The following ARFGEF3 variants were observed in gnomAD, a reference collection of about 807,000 sequenced individuals.
ARFGEF3 encodes the protein brefeldin A-inhibited guanine nucleotide-exchange protein 3.
ARFGEF3 carries 96 observed loss-of-function variants against 221.7 expected under a neutral mutation model. The observed-to-expected ratio is 0.43, with a 90% CI of 0.37 to 0.51. The LOEUF is 0.51. Ranked by LOEUF, ARFGEF3 falls within the 20% of genes least tolerant of loss-of-function variation. The pLI is 0.00. For missense variants in ARFGEF3, 2,410 were observed against 2,789.9 expected (o/e 0.86, Z 3.07); for synonymous variants, 1,145 against 1,126.8 (o/e 1.02, Z -0.32).
Position 138,299,188 on chromosome 6 carries a change from C to T in ARFGEF3, c.3828+403C>T, listed in dbSNP as rs552879247. Among the ~76,000 whole-genome samples, 15 of 106,948 alleles carry T rather than the reference C, an allele frequency of 1.4e-4. No individual in the cohort carries two copies. In the South Asian group the frequency reaches 2.4e-3, roughly 17 times the overall value. The allele number at this position is 106,948 out of a possible 152,430, so 70.2% of individuals were successfully genotyped here. A position where few individuals can be genotyped will look rare whatever the true frequency, so the allele number is the denominator to read the frequency against. On this transcript the variant is annotated intron_variant, in intron 22 of 33. Coordinates refer to ENST00000251691, the MANE Select transcript of ARFGEF3 (RefSeq NM_020340.5). ...CTGCACTCCAGCCTGAGTGACAGAGCGAGACTCTGTAAAAAAAAAAAAAAA... is the reference window on the plus strand; with the variant it reads ...CTGCACTCCAGCCTGAGTGACAGAGTGAGACTCTGTAAAAAAAAAAAAAAA...
rs114153440 is a variant in ARFGEF3, at chr6:138,209,795, T to C, written c.220-115T>C. 3,381 of 1,330,876 alleles carry C rather than the reference T, an allele frequency of 2.5e-3. 55 individuals carry two copies. The African/African-American group carries it at 0.041, about 16-fold the overall frequency. The allele number at this position is 1,330,876 out of a possible 1,614,324, so 82.4% of individuals were successfully genotyped here. ...TAGCGTAAGTTCTTTCTTAATGGCC[T>C]CCAGCTACACGCCTCCCCAGTAAGA... On this transcript the variant is annotated intron_variant, in intron 3 of 33. Coordinates refer to ENST00000251691, the MANE Select transcript of ARFGEF3 (RefSeq NM_020340.5).
Position 138,261,659 on chromosome 6 carries a change from A to C in ARFGEF3, c.1217+20A>C. ...CAAACTGTATGATGTTTATCCTTTT[A>C]AGTCTTTATTGAGGCTGCTTTTCTG... On this transcript the variant is annotated intron_variant, in intron 11 of 33. Transcript: ENST00000251691. 1 of 1,428,454 alleles carries C rather than the reference A, an allele frequency of 7.0e-7. No individual in the cohort carries two copies. Among genetic ancestry groups the C allele is most frequent in the Non-Finnish European group, 9.5e-7 (1 of 1,056,776 alleles). 88.5% of individuals were successfully genotyped at this position (1,428,454 alleles called of 1,614,324 possible).
At chr6:138,330,774 T>C (rs1446113771) in intron 32 of ARFGEF3, among the ~76,000 whole-genome samples, 4 of 152,192 alleles carry the variant, frequency 2.6e-5, no homozygotes, top group African/African-American at 9.7e-5. Context: ...TTGGGGTCAA[T>C]TATTGGTACA....
rs1432732952 is a variant in ARFGEF3, at chr6:138,334,888, C to T, written c.6042C>T (p.Tyr2014=). ...GGGAGAATGCGGGGAACAAAATCTA[C>T]ACCATGGCAGCCGACAAGACCATTT... The part of the protein sequence containing the change: ...EWWENAGNKI[Y]TMAADKTISK... Residue 2014 remains tyrosine, a synonymous_variant, in exon 33 of 34, where the codon TAC becomes TAT. Transcript: ENST00000251691. The surrounding 1 kb of genome is among the most constrained non-coding windows in gnomAD (Gnocchi z 5.1). 6 of 1,592,150 alleles carry T rather than the reference C, an allele frequency of 3.8e-6. No homozygotes were observed. The South Asian group carries it at 5.7e-5, about 15-fold the overall frequency.
chr6:138,273,083 CAT>C (rs1779033009), intron 12 of ARFGEF3, among the ~76,000 whole-genome samples: 1 of 152,140 alleles, frequency 6.6e-6, no homozygotes, highest in South Asian at 2.1e-4. Context: ...ACATCTAACA[CAT>C]ATTTTTAGAA....
At chr6:138,326,939 A>G (rs541080789) in intron 31 of ARFGEF3, among the ~76,000 whole-genome samples, 1 of 152,352 alleles carries the variant, frequency 6.6e-6, no homozygotes, top group South Asian at 2.1e-4. Context: ...GAATGAGATC[A>G]TGTCCTTTGC....
At chr6:138,305,625 A>AG (rs1394234192) in intron 22 of ARFGEF3, among the ~76,000 whole-genome samples, 2 of 151,932 alleles carry the variant, frequency 1.3e-5, no homozygotes, top group East Asian at 3.9e-4. Context: ...AAAAAAAAAA[A>AG]AAAAAGCCAA....
At chr6:138,280,299 G>C in intron 14 of ARFGEF3, 135 bp downstream of exon 14, 1 of 809,454 alleles carries the variant, frequency 1.2e-6, no homozygotes, top group Non-Finnish European at 2.0e-6. Context: ...TGGCAATGGT[G>C]ACAGTTCCAG....
chr6:138,202,681 C>CA (rs11312359), intron 2 of ARFGEF3, among the ~76,000 whole-genome samples: 1,776 of 116,894 alleles, frequency 0.015, 24 homozygotes, highest in African/African-American at 0.033. Context: ...TATTTACTAG[C>CA]AAAAAAAAAA....
intron 4 of ARFGEF3, among the ~76,000 whole-genome samples, chr6:138,215,436 C>T (rs1397599879): frequency 2.0e-5 from 3 of 152,050 alleles, no homozygotes; most frequent in South Asian, 4.1e-4. Context: ...AGTGAATATT[C>T]GTAGAGTGCT....
chr6:138,185,500 A>G (rs1469961472), intron 2 of ARFGEF3, among the ~76,000 whole-genome samples: 2 of 152,210 alleles, frequency 1.3e-5, no homozygotes, highest in East Asian at 3.8e-4. Context: ...GCCATAACCA[A>G]TCTGAAGAGC....
chr6:138,244,547 G>A lies in ARFGEF3; in HGVS notation c.587-966G>A, dbSNP rs80128512. ...GTAGTTGAACAGATTCCAGATTTCA[G>A]CCTTTTTCCCACTCTGCTTCTGTGG... is the stretch of plus-strand genomic sequence containing the variant. On this transcript the variant is annotated intron_variant, in intron 7 of 33. Transcript: ENST00000251691. Among the ~76,000 whole-genome samples, 538 of 152,276 alleles carry A rather than the reference G, an allele frequency of 3.5e-3. 1 individual carries two copies. The highest frequency in any genetic ancestry group is 0.012 in the African/African-American group (507 of 41,550).
At chr6:138,206,146 G>T (rs1362813594) in intron 2 of ARFGEF3, among the ~76,000 whole-genome samples, 5 of 152,180 alleles carry the variant, frequency 3.3e-5, no homozygotes, top group African/African-American at 7.2e-5. Context: ...CTGGTAAAAT[G>T]AAGTCACATT....
rs763305594 is a variant in ARFGEF3, at chr6:138,334,728, C to T, written c.5882C>T (p.Pro1961Leu). Reference protein sequence around the residue: ...STGGFSGKETPSEDDRSQSRE... With the variant: ...STGGFSGKETLSEDDRSQSRE... ...GGGGGCTTCTCTGGGAAAGAAACCC[C>T]TTCCGAGGATGACAGAAGCCAGTCC... The change falls in exon 33 of 34, where the codon CCT becomes CTT. Residue 1961 changes from proline to leucine, a missense_variant. Pro to Leu is a moderately conservative substitution (Grantham distance 98). This residue lies in a region of ARFGEF3 where 339 missense variants were observed against 334.9 expected (regional missense o/e 1.01). Transcript: ENST00000251691. The surrounding 1 kb of genome is among the most constrained non-coding windows in gnomAD (Gnocchi z 5.1). 3.1e-6 allele frequency: 5 copies of T among 1,609,730 alleles called. No individual in the cohort carries two copies. The highest frequency in any genetic ancestry group is 4.5e-5 in the East Asian group (2 of 44,764).
chr6:138,239,306 T>C (rs1041549898), intron 6 of ARFGEF3, among the ~76,000 whole-genome samples: 1 of 152,200 alleles, frequency 6.6e-6, no homozygotes, highest in Non-Finnish European at 1.5e-5. Flanking sequence ...CCTTTTGAAA[T>C]CTGCAAGGAG....
chr6:138,329,988 C>T (rs947898618), intron 32 of ARFGEF3, among the ~76,000 whole-genome samples: 1 of 151,970 alleles, frequency 6.6e-6, no homozygotes, highest in Non-Finnish European at 1.5e-5. Context: ...GGGGGTTGTT[C>T]TCTGGCAGGC....
intron 4 of ARFGEF3, among the ~76,000 whole-genome samples, chr6:138,222,600 A>G (rs1188164342): frequency 1.3e-5 from 2 of 152,152 alleles, no homozygotes; most frequent in African/African-American, 2.4e-5. Flanking sequence ...ATATCCTACA[A>G]TGAGCAGGAC....
At chr6:138,326,216 T>G (rs1296024365) in intron 31 of ARFGEF3, among the ~76,000 whole-genome samples, 1 of 152,186 alleles carries the variant, frequency 6.6e-6, no homozygotes, top group Non-Finnish European at 1.5e-5. Context: ...TCCTTATGTA[T>G]TCACTCTTAA....
intron 4 of ARFGEF3, among the ~76,000 whole-genome samples, chr6:138,224,152 C>G (rs1287197780): frequency 6.6e-6 from 1 of 152,130 alleles, no homozygotes; most frequent in East Asian, 1.9e-4. Flanking sequence ...CTGTTGGAAC[C>G]TTGATAGAAA....
Sources: gnomAD v4.1 joint callset for allele counts (sites outside exome capture counted in the v4.1 genomes callset) on GRCh38, gnomAD v4.1.1 for gene constraint, gnomAD v4.1.1 regional missense constraint, Gnocchi (gnomAD v3.1) non-coding constraint, MANE v1.5 for transcripts, NCBI Gene and HGNC (gene_info 2026-07-23, HGNC 2026-07-21) for gene names.